The following CAMK4 variants were observed in gnomAD, a reference collection of about 807,000 sequenced individuals.
CAMK4 encodes the protein calcium/calmodulin dependent protein kinase IV.
In CAMK4, 22 loss-of-function variants were observed where a neutral mutation model predicts 44.9. That is an observed-to-expected ratio of 0.49 (90% CI 0.35 to 0.70). The LOEUF is 0.70. CAMK4 is among the 30% of genes least tolerant of loss of function. The pLI is 0.01. For missense variants in CAMK4, 498 were observed against 586.8 expected (o/e 0.85, Z 1.56); for synonymous variants, 218 against 215.4 (o/e 1.01, Z -0.11).
At chr5:111,412,699 G>A (rs905825291) in intron 5 of CAMK4, among the ~76,000 whole-genome samples, 1 of 152,146 alleles carries the variant, frequency 6.6e-6, no homozygotes, top group Non-Finnish European at 1.5e-5. Flanking sequence ...CTCGAACACT[G>A]GACCAAATTG....
At chr5:111,427,964 C>A (rs1010432457) in intron 5 of CAMK4, among the ~76,000 whole-genome samples, 1 of 152,230 alleles carries the variant, frequency 6.6e-6, no homozygotes. Context: ...CAAGTCTGGC[C>A]CAGCACAGTC....
chr5:111,408,557 TCA>T (rs1752518804), intron 5 of CAMK4, among the ~76,000 whole-genome samples: 1 of 152,134 alleles, frequency 6.6e-6, no homozygotes. Context: ...CCTAACCATA[TCA>T]TTCTGCCCCT....
In CAMK4 at chr5:111,491,185, C is replaced by G. The variant is rs1481242630; in HGVS notation, c.*6719C>G. 1 of 152,124 alleles carries G rather than the reference C, an allele frequency of 6.6e-6. No individual in the cohort carries two copies. Among genetic ancestry groups the G allele is most frequent in the Admixed American group, 6.5e-5 (1 of 15,270 alleles). The allele number at this position is 152,124 out of a possible 1,614,324, so 9.4% of individuals were successfully genotyped here. ...TTCAGAACTCAAGCAACCAATGATT[C>G]ACAGAGCAAATCTACCAAAGCCCCA... On this transcript the variant is annotated 3_prime_UTR_variant, in exon 11 of 11. Transcript: ENST00000282356.
chr5:111,318,489 A>G (rs1240036901), intron 1 of CAMK4, among the ~76,000 whole-genome samples: 1 of 152,284 alleles, frequency 6.6e-6, no homozygotes, highest in Non-Finnish European at 1.5e-5. Flanking sequence ...TTTATTATCT[A>G]AGCGGGAGTG....
At chr5:111,309,934 G>T (rs1297485097) in intron 1 of CAMK4, among the ~76,000 whole-genome samples, 1 of 152,128 alleles carries the variant, frequency 6.6e-6, no homozygotes, top group Non-Finnish European at 1.5e-5. Flanking sequence ...AAATAAATGT[G>T]CTATCTCACA....
chr5:111,354,110 A>T lies in CAMK4; in HGVS notation c.240+10008A>T, dbSNP rs958717158. Among the ~76,000 whole-genome samples, 3 of 152,150 alleles carry T rather than the reference A, an allele frequency of 2.0e-5. No homozygotes were observed. The East Asian group carries it at 5.8e-4, about 29-fold the overall frequency. On this transcript the variant is annotated intron_variant, in intron 2 of 10. Coordinates refer to ENST00000282356, the MANE Select transcript of CAMK4 (RefSeq NM_001744.6). ...TGTGGTATGGATAACCTTAAGAAGGAAAAAATAATCCTGCCAATTGCGACA... is the reference window on the plus strand; with the variant it reads ...TGTGGTATGGATAACCTTAAGAAGGTAAAAATAATCCTGCCAATTGCGACA...
chr5:111,291,156 G>A (rs1040943998), intron 1 of CAMK4, among the ~76,000 whole-genome samples: 3 of 152,012 alleles, frequency 2.0e-5, no homozygotes, highest in Admixed American at 6.5e-5. Context: ...TTATGTGTTC[G>A]AAAAATAATA....
chr5:111,313,816 C>T (rs1052920440), intron 1 of CAMK4, among the ~76,000 whole-genome samples: 2 of 152,110 alleles, frequency 1.3e-5, no homozygotes, highest in African/African-American at 4.8e-5. Context: ...TAGCTACTTG[C>T]TGCTTACATA....
Position 111,261,191 on chromosome 5 carries a change from C to A in CAMK4, c.161+36547C>A, listed in dbSNP as rs182324285. Among the ~76,000 whole-genome samples the A allele has an allele frequency of 3.9e-5, 6 of 152,278 alleles. No homozygotes were observed. The East Asian group carries it at 1.2e-3, about 29-fold the overall frequency. On this transcript the variant is annotated intron_variant, in intron 1 of 10. Transcript: ENST00000282356. ...CCCAAACTCAGTTATTGCCTTTTTT[C>A]CACAGTACTTTCCATACTCCTATTA...
chr5:111,403,828 AT>A (rs1752319277), intron 5 of CAMK4, among the ~76,000 whole-genome samples: 3 of 152,210 alleles, frequency 2.0e-5, no homozygotes. Flanking sequence ...TGATAATGAT[AT>A]CAAAATTTTA....
At chr5:111,259,425 A>G (rs1446689820) in intron 1 of CAMK4, among the ~76,000 whole-genome samples, 1 of 152,226 alleles carries the variant, frequency 6.6e-6, no homozygotes, top group African/African-American at 2.4e-5. Flanking sequence ...ATTTTAACCC[A>G]AGTTCCCTGA....
intron 1 of CAMK4, among the ~76,000 whole-genome samples, chr5:111,246,952 A>G (rs1472437357): frequency 6.6e-6 from 1 of 152,164 alleles, no homozygotes; most frequent in African/African-American, 2.4e-5. Context: ...CTGGTATCTC[A>G]TTATAGTTAT....
intron 2 of CAMK4, among the ~76,000 whole-genome samples, chr5:111,346,196 A>T (rs1255790620): frequency 2.6e-5 from 4 of 151,928 alleles, no homozygotes; most frequent in Non-Finnish European, 5.9e-5. Flanking sequence ...TTTATAGAGG[A>T]AAAGTGATGT....
chr5:111,224,498 G>A lies in CAMK4; in HGVS notation c.15G>A (p.Thr5=), dbSNP rs775728276. Residue 5 remains threonine, a synonymous_variant, in exon 1 of 11, where the codon ACG becomes ACA. Transcript: ENST00000282356. This position sits in a 1 kb window ranked among gnomAD's most constrained non-coding sequence, Gnocchi z 5.7. ...CCGCTGCGAAGATGCTCAAAGTCAC[G>A]GTGCCCTCCTGCTCCGCCTCGTCCT... MLKV[T]VPSCSASSCS... is the part of the protein sequence containing the mutation. 40 of 1,605,384 alleles carry A rather than the reference G, an allele frequency of 2.5e-5. No homozygotes were observed. Among genetic ancestry groups the A allele is most frequent in the African/African-American group, 1.4e-4 (10 of 73,810 alleles).
chr5:111,429,637 A>G (rs1252664546), intron 5 of CAMK4, among the ~76,000 whole-genome samples: 3 of 151,822 alleles, frequency 2.0e-5, no homozygotes, highest in East Asian at 1.9e-4. Flanking sequence ...TCAGCCAGGC[A>G]TGGTGGTGTG....
At chr5:111,370,863 C>T (rs184955262) in intron 2 of CAMK4, among the ~76,000 whole-genome samples, 400 of 151,994 alleles carry the variant, frequency 2.6e-3, no homozygotes, top group Non-Finnish European at 4.5e-3. Context: ...TGCAGTGAGC[C>T]GAGACTGCAC....
intron 1 of CAMK4, chr5:111,277,699 A>C (rs1207175775): frequency 6.6e-6 from 1 of 152,074 alleles, no homozygotes; most frequent in Non-Finnish European, 1.5e-5. Flanking sequence ...TTTTTCTTTA[A>C]GTTTATGATA....
intron 9 of CAMK4, among the ~76,000 whole-genome samples, chr5:111,479,613 A>G (rs31624): frequency 0.11 from 17,023 of 152,116 alleles, 1,219 homozygotes; most frequent in Non-Finnish European, 0.15. Flanking sequence ...CTAAGGTCAC[A>G]CAGCTTCCCA....
intron 1 of CAMK4, among the ~76,000 whole-genome samples, chr5:111,335,138 G>C (rs1047567954): frequency 6.6e-6 from 1 of 151,504 alleles, no homozygotes; most frequent in Non-Finnish European, 1.5e-5. Flanking sequence ...TTTGCAAGGA[G>C]TACATTGTAG....
Sources: gnomAD v4.1 joint callset for allele counts (sites outside exome capture counted in the v4.1 genomes callset) on GRCh38, gnomAD v4.1.1 for gene constraint, Gnocchi (gnomAD v3.1) non-coding constraint, MANE v1.5 for transcripts, NCBI Gene and HGNC (gene_info 2026-07-23, HGNC 2026-07-21) for gene names.